NEO1: variants seen among roughly 807,000 people sequenced by gnomAD.
The protein encoded by NEO1 is neogenin 1, also known as neogenin.
NEO1 carries 63 observed loss-of-function variants against 159.7 expected under a neutral mutation model. The ratio of observed to expected loss-of-function variants is 0.39; its 90% CI spans 0.32 to 0.49. The LOEUF (loss-of-function observed/expected upper bound fraction) is 0.49. Ranked by LOEUF, NEO1 falls within the 20% of genes least tolerant of loss-of-function variation. The probability of loss-of-function intolerance (pLI) is 0.85; values close to 1 mark genes in which losing one functional copy is unlikely to be tolerated. For missense variants in NEO1, 1,615 were observed against 1,831.0 expected, an observed-to-expected ratio of 0.88 and a Z score of 2.15; for synonymous variants, 633 against 662.0, an observed-to-expected ratio of 0.96 and a Z score of 0.67.
chr15:73,163,439 T>C (rs1282470591), intron 5 of NEO1, among the ~76,000 whole-genome samples: 2 of 152,150 alleles, frequency 1.3e-5, no homozygotes, highest in Non-Finnish European at 2.9e-5. Context: ...TGCTTCCAGG[T>C]GTCTTCAAAA....
rs563654276 is a variant in NEO1, at chr15:73,232,320, A to G, written c.1292-4027A>G. On this transcript the variant is annotated intron_variant, in intron 7 of 28. Transcript: ENST00000261908. The stretch of plus-strand genomic sequence containing the variant: ...TAGTTTTGATTATCTTTTTATTTGC[A>G]TTTTCTAAAAGTCTCTGTTTAGATT... Among the ~76,000 whole-genome samples the G allele has an allele frequency of 1.4e-3, 216 of 152,008 alleles. 1 individual carries two copies. Among genetic ancestry groups the G allele is most frequent in the Non-Finnish European group, 1.7e-3 (119 of 68,018 alleles).
intron 7 of NEO1, among the ~76,000 whole-genome samples, chr15:73,204,192 T>C (rs1000362284): frequency 6.6e-6 from 1 of 152,050 alleles, no homozygotes; most frequent in Non-Finnish European, 1.5e-5. Flanking sequence ...CTGTAATTCT[T>C]ATCATTATTC....
intron 25 of NEO1, among the ~76,000 whole-genome samples, chr15:73,291,129 T>C (rs2042149805): frequency 1.3e-5 from 2 of 152,072 alleles, no homozygotes; most frequent in South Asian, 4.2e-4. Flanking sequence ...CTGGATGGGG[T>C]TCCCAGGTTT....
intron 24 of NEO1, among the ~76,000 whole-genome samples, 157 bp downstream of exon 24, chr15:73,288,708 A>T (rs1216596745): frequency 6.6e-6 from 1 of 152,114 alleles, no homozygotes; most frequent in African/African-American, 2.4e-5. Context: ...TATGATGAAG[A>T]ATACCTAGCT....
intron 7 of NEO1, 114 bp from the exon 8 acceptor site, chr15:73,236,233 T>C (rs2039162188): frequency 6.9e-7 from 1 of 1,445,768 alleles, no homozygotes; most frequent in Non-Finnish European, 9.6e-7. Flanking sequence ...TGTTCTCTTT[T>C]TTAAAACCGT....
intron 8 of NEO1, among the ~76,000 whole-genome samples, chr15:73,242,626 C>T (rs754621951): frequency 3.5e-4 from 54 of 152,180 alleles, no homozygotes; most frequent in Admixed American, 8.5e-4. Context: ...GCCAAGATCA[C>T]ACCAGAGCAC....
At chr15:73,060,957 A>G (rs1359090924) in intron 1 of NEO1, among the ~76,000 whole-genome samples, 1 of 152,208 alleles carries the variant, frequency 6.6e-6, no homozygotes, top group Non-Finnish European at 1.5e-5. Context: ...TAACCTGTTT[A>G]TTAATCGTAC....
chr15:73,145,107 C>T (rs993545503), intron 5 of NEO1, among the ~76,000 whole-genome samples: 1 of 151,910 alleles, frequency 6.6e-6, no homozygotes, highest in African/African-American at 2.4e-5. Flanking sequence ...ATGGTGCTTA[C>T]AAATTAATAA....
chr15:73,288,483 C>T lies in NEO1; in HGVS notation c.3581C>T (p.Ser1194Phe), dbSNP rs371751356. The change falls in exon 24 of 29, where the codon TCT becomes TTT. Residue 1194 changes from serine (S) to phenylalanine (F), a missense_variant. This residue lies in a region of NEO1 where 471 missense variants were observed against 498.9 expected (regional missense o/e 0.94). Coordinates refer to ENST00000261908, the MANE Select transcript of NEO1 (RefSeq NM_002499.4). ...ACTGATACTCCAATTCCTCGCAACTCTCAAGATATCACACCAGTTGACAAC... is the reference window on the plus strand; with the variant it reads ...ACTGATACTCCAATTCCTCGCAACTTTCAAGATATCACACCAGTTGACAAC... ...IMTDTPIPRN[S>F]QDITPVDNSM... is the part of the protein sequence containing the mutation. 2 of 1,614,176 alleles carry T rather than the reference C, an allele frequency of 1.2e-6. No homozygotes were observed. The highest frequency in any genetic ancestry group is 1.3e-5 in the African/African-American group (1 of 75,044).
chr15:73,083,762 T>C (rs2069199250), intron 1 of NEO1, among the ~76,000 whole-genome samples: 1 of 152,176 alleles, frequency 6.6e-6, no homozygotes, highest in Non-Finnish European at 1.5e-5. Context: ...TGTATGGCCA[T>C]AGGTAAGTTA....
rs373918426 is a variant in NEO1 at position 73,073,437 on chromosome 15, G to GGTGT, written c.130+20643_130+20646dup. On this transcript the variant is annotated intron_variant, in intron 1 of 28. Transcript: ENST00000261908. Reference sequence around the variant, plus strand: ...GTAGTGGTTGAGGTCTCATGAGTTGGGTGTGTGTGTGTGTCTGTTTAATGG... The same window carrying GGTGT: ...GTAGTGGTTGAGGTCTCATGAGTTGGGTGTGTGTGTGTGTGTGTCTGTTTAATGG... Among the ~76,000 whole-genome samples, 311 of 151,784 alleles carry GGTGT rather than the reference G, an allele frequency of 2.0e-3. 2 individuals carry two copies. The highest frequency in any genetic ancestry group is 7.2e-3 in the African/African-American group (296 of 41,390).
intron 1 of NEO1, among the ~76,000 whole-genome samples, chr15:73,089,069 A>G (rs2069531058): frequency 6.6e-6 from 1 of 152,138 alleles, no homozygotes; most frequent in Non-Finnish European, 1.5e-5. Context: ...ACAAAAGGTC[A>G]TTTTATTTTT....
rs764423647 is a variant in NEO1 at position 73,254,706 on chromosome 15, C to T, written c.1969C>T (p.Pro657Ser). The T allele has an allele frequency of 1.9e-6, 3 of 1,613,522 alleles. No homozygotes were observed. Among genetic ancestry groups the T allele is most frequent in the Non-Finnish European group, 2.5e-6 (3 of 1,179,816 alleles). Residue 657 changes from proline (P) to serine (S), a missense_variant, in exon 13 of 29, where the codon CCT becomes TCT. Around this residue, in one of 3 missense-constraint regions of NEO1, gnomAD observed 1,018 missense variants for 1,115.4 expected, o/e 0.91. Coordinates refer to ENST00000261908, the MANE Select transcript of NEO1 (RefSeq NM_002499.4). ...SKSIMIHWQP[P>S]APATQNGQIT... Reference sequence around the variant, plus strand: ...GAGTATTATGATTCACTGGCAGCCACCTGCTCCAGCCACACAAAATGGGCA... The same window carrying T: ...GAGTATTATGATTCACTGGCAGCCATCTGCTCCAGCCACACAAAATGGGCA...
chr15:73,280,645 C>G (rs920346292), intron 22 of NEO1, among the ~76,000 whole-genome samples: 1 of 152,078 alleles, frequency 6.6e-6, no homozygotes, highest in African/African-American at 2.4e-5. Flanking sequence ...GGCCCCAGTA[C>G]CATGGTCTTT....
At chr15:73,299,648 G>A (rs2042533607) in intron 27 of NEO1, among the ~76,000 whole-genome samples, 1 of 152,354 alleles carries the variant, frequency 6.6e-6, no homozygotes, top group South Asian at 2.1e-4. Context: ...GCCTCCCAAA[G>A]TGCTGGGAAT....
chr15:73,249,922 A>G (rs1596476740), intron 11 of NEO1, among the ~76,000 whole-genome samples: 1 of 152,228 alleles, frequency 6.6e-6, no homozygotes, highest in African/African-American at 2.4e-5. Context: ...AGTTGCTGTA[A>G]AGATTCAGTG....
At chr15:73,179,238 A>G (rs1048355013) in intron 7 of NEO1, among the ~76,000 whole-genome samples, 1 of 152,218 alleles carries the variant, frequency 6.6e-6, no homozygotes, top group Non-Finnish European at 1.5e-5. Context: ...AACTCTAGAC[A>G]ATATAAGAAT....
intron 7 of NEO1, among the ~76,000 whole-genome samples, chr15:73,192,238 G>A (rs2036274266): frequency 6.6e-6 from 1 of 151,926 alleles, no homozygotes; most frequent in East Asian, 1.9e-4. Flanking sequence ...ATGCGTGTGT[G>A]TTTTACACTT....
chr15:73,244,550 G>T (rs1422977836), intron 9 of NEO1, 52 bp downstream of exon 9: 1 of 1,582,426 alleles, frequency 6.3e-7, no homozygotes, highest in Non-Finnish European at 8.6e-7. Context: ...CCTCTCTGAA[G>T]TTCTACCTTT....
Sources: gnomAD v4.1 joint callset for allele counts (sites outside exome capture counted in the v4.1 genomes callset) on GRCh38, gnomAD v4.1.1 for gene constraint, gnomAD v4.1.1 regional missense constraint, MANE v1.5 for transcripts, NCBI Gene and HGNC (gene_info 2026-07-23, HGNC 2026-07-21) for gene names.